Variants in CREBRF observed in about 807,000 individuals in gnomAD.
CREBRF encodes CREB3 regulatory factor.
In CREBRF, 5 loss-of-function variants were observed where a neutral mutation model predicts 66.1. The observed-to-expected ratio is 0.08, with a 90% CI of 0.04 to 0.16. The LOEUF (loss-of-function observed/expected upper bound fraction) is 0.16, where lower values mean the gene tolerates loss of function less well. Among genes scored for constraint, CREBRF ranks in the 10% least tolerant of loss-of-function variants. CREBRF has a pLI of 1.00. For missense variants in CREBRF, 531 were observed against 744.9 expected (o/e 0.71, Z 3.34); for synonymous variants, 229 against 264.4 (o/e 0.87, Z 1.30).
At chr5:173,098,579 G>A (rs181596829) in intron 4 of CREBRF, among the ~76,000 whole-genome samples, 1 of 152,128 alleles carries the variant, frequency 6.6e-6, no homozygotes, top group Non-Finnish European at 1.5e-5. Context: ...ATATTCTGCT[G>A]CTGTCAGAAT....
chr5:173,091,000 A>G lies in CREBRF; in HGVS notation c.821A>G (p.Gln274Arg). 4 of 1,614,186 alleles carry G rather than the reference A, an allele frequency of 2.5e-6. No individual in the cohort carries two copies. Among genetic ancestry groups the G allele is most frequent in the Non-Finnish European group, 2.5e-6 (3 of 1,180,030 alleles). The change falls in exon 4 of 9, where the codon CAA becomes CGA. Residue 274 changes from glutamine (Q) to arginine (R), a missense_variant. Physicochemically the swap from Gln to Arg is conservative, Grantham distance 43. Around this residue, in one of 5 missense-constraint regions of CREBRF, gnomAD observed 309 missense variants for 341.4 expected, o/e 0.90. Coordinates refer to ENST00000296953, the MANE Select transcript of CREBRF (RefSeq NM_153607.3). The surrounding 1 kb of genome is among the most constrained non-coding windows in gnomAD (Gnocchi z 4.5). ...TCYCGAVAKR[Q>R]EKKGMEPLQG... ...TACTGTGGTGCAGTGGCAAAGAGAC[A>G]AGAGAAAAAAGGGATGGAGCCTCTT...
At chr5:173,066,808 C>CTTTTTTTTT (rs34093582) in intron 1 of CREBRF, among the ~76,000 whole-genome samples, 1 of 63,032 alleles carries the variant, frequency 1.6e-5, no homozygotes, top group Non-Finnish European at 2.8e-5. Flanking sequence ...TTCATTGAAT[C>CTTTTTTTTT]TTTTTTTTTT....
At chr5:173,110,375 T>G in intron 5 of CREBRF, 147 bp from the exon 6 acceptor site, 1 of 723,206 alleles carries the variant, frequency 1.4e-6, no homozygotes, top group Admixed American at 2.0e-5. Context: ...TAGGATAGAT[T>G]GTTAAACATG....
intron 4 of CREBRF, among the ~76,000 whole-genome samples, chr5:173,095,277 C>T (rs1380486756): frequency 1.3e-5 from 2 of 150,714 alleles, no homozygotes; most frequent in Non-Finnish European, 2.9e-5. Context: ...CAAGCTCCGC[C>T]TCCCAGGTTC....
At chr5:173,057,141 C>T (rs1757081137) in intron 1 of CREBRF, among the ~76,000 whole-genome samples, 2 of 152,194 alleles carry the variant, frequency 1.3e-5, no homozygotes, top group South Asian at 2.1e-4. Flanking sequence ...CTTGAAGCGG[C>T]TGAGGGGCGG....
intron 8 of CREBRF, among the ~76,000 whole-genome samples, chr5:173,131,682 T>A (rs995348233): frequency 4.3e-5 from 6 of 138,196 alleles, no homozygotes; most frequent in Middle Eastern, 3.5e-3. Flanking sequence ...ATGGTTAAGC[T>A]TGTATATATG....
chr5:173,066,802 T>C (rs1204412472), intron 1 of CREBRF, among the ~76,000 whole-genome samples: 1 of 147,466 alleles, frequency 6.8e-6, no homozygotes. Context: ...CGTATATTCA[T>C]TGAATCTTTT....
intron 1 of CREBRF, among the ~76,000 whole-genome samples, chr5:173,065,273 T>G (rs1487707928): frequency 6.6e-6 from 1 of 152,058 alleles, no homozygotes; most frequent in African/African-American, 2.4e-5. Flanking sequence ...ATAAAAGATG[T>G]GTAGTGTGGG....
At chr5:173,058,353 A>G (rs1757137986) in intron 1 of CREBRF, among the ~76,000 whole-genome samples, 1 of 152,200 alleles carries the variant, frequency 6.6e-6, no homozygotes, top group Non-Finnish European at 1.5e-5. Context: ...TTGGTTAAGT[A>G]CTTAGGCGTA....
chr5:173,071,326 G>A (rs758918305), intron 1 of CREBRF, among the ~76,000 whole-genome samples: 18 of 151,996 alleles, frequency 1.2e-4, no homozygotes, highest in Non-Finnish European at 1.8e-4. Flanking sequence ...ATTCTCCTTC[G>A]TCAGCCTTCT....
rs1028654766 is a variant in CREBRF, at chr5:173,133,721, A to G, written c.1896A>G (p.Leu632=). Residue 632 remains leucine (L), a synonymous_variant, in exon 9 of 9, where the codon TTA becomes TTG. Coordinates refer to ENST00000296953, the MANE Select transcript of CREBRF (RefSeq NM_153607.3). ...EGNPTGGLVG[L]RIPTSKV The stretch of plus-strand genomic sequence containing the variant: ...ATCCCACTGGAGGCCTTGTAGGATT[A>G]AGGATACCAACATCAAAGGTGTAAT... 1.9e-6 allele frequency: 3 copies of G among 1,602,458 alleles called. No individual in the cohort carries two copies. The highest frequency in any genetic ancestry group is 8.5e-7 in the Non-Finnish European group (1 of 1,170,274).
At chr5:173,068,173 T>C (rs1271097180) in intron 1 of CREBRF, 7 of 452,060 alleles carry the variant, frequency 1.5e-5, no homozygotes, top group Non-Finnish European at 3.1e-5. Flanking sequence ...TTCTTTTGTC[T>C]GATTGGAAGG....
At chr5:173,099,570 T>A (rs1426927628) in intron 4 of CREBRF, among the ~76,000 whole-genome samples, 3 of 152,232 alleles carry the variant, frequency 2.0e-5, no homozygotes, top group Non-Finnish European at 4.4e-5. Flanking sequence ...AGGTAAGGAT[T>A]TACTGTTAAC....
chr5:173,082,014 T>TTTTTTTTTTTTTTTTTTTTTTG (rs1757966771), intron 2 of CREBRF, among the ~76,000 whole-genome samples: 2 of 113,784 alleles, frequency 1.8e-5, no homozygotes, highest in Non-Finnish European at 3.9e-5. Flanking sequence ...TTTTTTTTTT[T>TTTTTTTTTTTTTTTTTTTTTTG]TTTTTTTTTT....
intron 4 of CREBRF, chr5:173,092,202 C>T: frequency 7.3e-6 from 7 of 957,814 alleles, no homozygotes; most frequent in Non-Finnish European, 7.5e-6. Context: ...TTATATTACT[C>T]ATTCCAATAC....
At chr5:173,097,507 A>G (rs182048145) in intron 4 of CREBRF, among the ~76,000 whole-genome samples, 81 of 152,190 alleles carry the variant, frequency 5.3e-4, no homozygotes, top group Non-Finnish European at 2.1e-4. Context: ...GGCCTCCCAA[A>G]GTGCTGGGAT....
intron 1 of CREBRF, among the ~76,000 whole-genome samples, chr5:173,068,607 T>G (rs1220270910): frequency 6.6e-6 from 1 of 152,182 alleles, no homozygotes; most frequent in Non-Finnish European, 1.5e-5. Flanking sequence ...AGTTTGCAGC[T>G]TTATGAATGA....
intron 7 of CREBRF, among the ~76,000 whole-genome samples, chr5:173,119,483 T>C (rs566286253): frequency 6.6e-6 from 1 of 152,216 alleles, no homozygotes; most frequent in African/African-American, 2.4e-5. Flanking sequence ...TTCTTTGGTA[T>C]TAATATATAA....
At chr5:173,123,932 T>G (rs1289936069) in intron 8 of CREBRF, 1 of 152,216 alleles carries the variant, frequency 6.6e-6, no homozygotes, top group African/African-American at 2.4e-5. Flanking sequence ...ATGGATTAAT[T>G]CTGTGCTTGA....
Sources: allele counts gnomAD v4.1 joint callset (sites outside exome capture counted in the v4.1 genomes callset), GRCh38; gene constraint gnomAD v4.1.1; regional missense constraint gnomAD v4.1.1; non-coding constraint Gnocchi (gnomAD v3.1); transcripts MANE v1.5; gene names NCBI Gene and HGNC (gene_info 2026-07-23, HGNC 2026-07-21).